The following DPY19L3 variants were observed in gnomAD, a reference collection of about 807,000 sequenced individuals.
DPY19L3 encodes the protein dpy-19 like C-mannosyltransferase 3.
In DPY19L3, 51 loss-of-function variants were observed where a neutral mutation model predicts 92.3. The observed-to-expected ratio is 0.55, with a 90% confidence interval of 0.44 to 0.70. The LOEUF (loss-of-function observed/expected upper bound fraction) is 0.70. Ranked by LOEUF, DPY19L3 falls within the 30% of genes least tolerant of loss-of-function variation. The probability of loss-of-function intolerance (pLI) is 0.00; values close to 1 mark genes in which losing one functional copy is unlikely to be tolerated. For synonymous variants in DPY19L3, 309 were observed against 315.2 expected (o/e 0.98, Z 0.21); for missense variants, 706 against 855.9 (o/e 0.82, Z 2.18).
chr19:32,440,595 G>A (rs1167695828), intron 8 of DPY19L3, among the ~76,000 whole-genome samples: 1 of 152,156 alleles, frequency 6.6e-6, no homozygotes, highest in South Asian at 2.1e-4. Flanking sequence ...AGGAGATCCA[G>A]TAAGCTTCCA....
chr19:32,423,385 AC>A, intron 3 of DPY19L3, among the ~76,000 whole-genome samples: 2 of 139,308 alleles, frequency 1.4e-5, no homozygotes, highest in South Asian at 4.7e-4. Flanking sequence ...ATAGGCATGC[AC>A]CACCATGCCC....
At chr19:32,434,915 C>T (rs1185575559) in intron 4 of DPY19L3, among the ~76,000 whole-genome samples, 1 of 152,166 alleles carries the variant, frequency 6.6e-6, no homozygotes, top group African/African-American at 2.4e-5. Flanking sequence ...GGGCCCATAA[C>T]TGTCCAACTC....
At chr19:32,479,706 A>T in intron 17 of DPY19L3, 1 of 360,444 alleles carries the variant, frequency 2.8e-6, no homozygotes, top group Non-Finnish European at 5.4e-6. Context: ...TTCCAGCCCC[A>T]GAATCTGGGA....
At chr19:32,463,191 G>A (rs143999340) in intron 12 of DPY19L3, among the ~76,000 whole-genome samples, 175 bp from the exon 13 acceptor site, 1 of 150,778 alleles carries the variant, frequency 6.6e-6, no homozygotes, top group East Asian at 1.9e-4. Context: ...CATTTATATT[G>A]TTACACTTTA....
chr19:32,478,789 C>G (rs944364990), intron 17 of DPY19L3, among the ~76,000 whole-genome samples: 3 of 152,164 alleles, frequency 2.0e-5, no homozygotes, highest in African/African-American at 7.2e-5. Context: ...TTTTATTTAG[C>G]CATTTCTGCT....
At chr19:32,447,798 C>CA (rs569135490) in intron 8 of DPY19L3, among the ~76,000 whole-genome samples, 8,283 of 96,828 alleles carry the variant, frequency 0.086, 297 homozygotes, top group Admixed American at 0.12. Context: ...TACTCCATCT[C>CA]ATTCATAGAT....
chr19:32,466,397 G>C (rs185052623), intron 15 of DPY19L3, among the ~76,000 whole-genome samples: 5 of 152,168 alleles, frequency 3.3e-5, no homozygotes, highest in African/African-American at 1.2e-4. Context: ...CTGCTGTAGC[G>C]GTCACAGGGT....
At chr19:32,445,303 TG>T (rs2046105627) in intron 8 of DPY19L3, among the ~76,000 whole-genome samples, 1 of 151,508 alleles carries the variant, frequency 6.6e-6, no homozygotes, top group Non-Finnish European at 1.5e-5. Context: ...TAGCCAGGCA[TG>T]GTGGCAGGCG....
At chr19:32,460,544 C>G (rs1205309901) in intron 12 of DPY19L3, among the ~76,000 whole-genome samples, 4 of 152,266 alleles carry the variant, frequency 2.6e-5, no homozygotes, top group Non-Finnish European at 5.9e-5. Context: ...TAGGATGTTA[C>G]CATACACTAT....
At chr19:32,448,407 TC>T (rs1300244305) in intron 8 of DPY19L3, among the ~76,000 whole-genome samples, 1 of 151,892 alleles carries the variant, frequency 6.6e-6, no homozygotes, top group Non-Finnish European at 1.5e-5. Flanking sequence ...TGCCGATGTC[TC>T]CCCCCAGCAG....
chr19:32,425,652 G>C (rs1968735569), intron 3 of DPY19L3, among the ~76,000 whole-genome samples: 1 of 152,110 alleles, frequency 6.6e-6, no homozygotes, highest in Non-Finnish European at 1.5e-5. Context: ...AAATAACACA[G>C]ATAACCAGAT....
chr19:32,423,389 C>T (rs1425361868), intron 3 of DPY19L3, among the ~76,000 whole-genome samples: 5 of 122,478 alleles, frequency 4.1e-5, no homozygotes, highest in Non-Finnish European at 8.6e-5. Context: ...GCATGCACCA[C>T]CATGCCCAGC....
intron 8 of DPY19L3, among the ~76,000 whole-genome samples, chr19:32,452,732 C>T (rs1245521570): frequency 4.6e-5 from 7 of 151,996 alleles, no homozygotes; most frequent in African/African-American, 1.5e-4. Context: ...CTCACTCTGT[C>T]GCCCAGGCTG....
At chr19:32,454,191 C>T (rs1969793013) in intron 9 of DPY19L3, among the ~76,000 whole-genome samples, 2 of 152,048 alleles carry the variant, frequency 1.3e-5, no homozygotes, top group African/African-American at 4.8e-5. Flanking sequence ...TATTATATGT[C>T]AAAAGGCACA....
At chr19:32,414,007 A>G (rs1026058220) in intron 3 of DPY19L3, among the ~76,000 whole-genome samples, 2 of 152,036 alleles carry the variant, frequency 1.3e-5, no homozygotes, top group African/African-American at 4.8e-5. Flanking sequence ...TATAGGTGTG[A>G]GCCGCTATGC....
intron 4 of DPY19L3, among the ~76,000 whole-genome samples, chr19:32,433,858 A>C (rs1969049662): frequency 6.6e-6 from 1 of 152,204 alleles, no homozygotes; most frequent in Admixed American, 6.5e-5. Context: ...AAGGGTAATT[A>C]ATCACCAGCC....
chr19:32,438,475 T>C (rs1969217946), intron 6 of DPY19L3, among the ~76,000 whole-genome samples: 1 of 152,144 alleles, frequency 6.6e-6, no homozygotes, highest in Non-Finnish European at 1.5e-5. Flanking sequence ...TATAGATACA[T>C]TGTTTGATAC....
At chr19:32,407,979 TCG>T (rs1274736830) in intron 1 of DPY19L3, among the ~76,000 whole-genome samples, 1 of 151,574 alleles carries the variant, frequency 6.6e-6, no homozygotes, top group African/African-American at 2.4e-5. Flanking sequence ...GTCCAGATAC[TCG>T]GGAGGCTGAG....
chr19:32,412,784 G>A (rs1030735517), intron 3 of DPY19L3: 5 of 152,128 alleles, frequency 3.3e-5, no homozygotes, highest in African/African-American at 1.2e-4. Context: ...ACAAAAATTA[G>A]CCGGGCATGG....
Sources: gnomAD v4.1 joint callset for allele counts (sites outside exome capture counted in the v4.1 genomes callset) on GRCh38, gnomAD v4.1.1 for gene constraint, MANE v1.5 for transcripts, NCBI Gene and HGNC (gene_info 2026-07-23, HGNC 2026-07-21) for gene names.